The following PDE4B variants were observed in gnomAD, a reference collection of about 807,000 sequenced individuals.
The protein encoded by PDE4B is phosphodiesterase 4B.
Under a neutral mutation model 82.2 loss-of-function variants are expected in PDE4B, and 20 were observed. That is an observed-to-expected ratio of 0.24 (90% CI 0.17 to 0.35). PDE4B has a LOEUF of 0.35. Ranked by LOEUF, PDE4B falls within the 10% of genes least tolerant of loss-of-function variation. PDE4B has a pLI of 1.00. For synonymous variants in PDE4B, 320 were observed against 318.9 expected, an observed-to-expected ratio of 1.00 and a Z score of -0.04; for missense variants, 655 against 907.2, an observed-to-expected ratio of 0.72 and a Z score of 3.57.
At position 66,014,540 on chromosome 1, in the gene PDE4B, C is replaced by T. The variant is rs114017534; in HGVS notation, c.281+95705C>T. ...TCTTTTGCAGTATGTTTTGTTGGTA[C>T]CCAGCTCTCCCAACACCATTTGTTA... On this transcript the variant is annotated intron_variant, in intron 3 of 16. Coordinates refer to ENST00000341517, the MANE Select transcript of PDE4B (RefSeq NM_002600.4). 9.6e-3 allele frequency among the ~76,000 whole-genome samples: 1,456 copies of T among 152,076 alleles called. 21 individuals carry two copies. The highest frequency in any genetic ancestry group is 0.033 in the African/African-American group (1,372 of 41,488).
chr1:66,026,456 G>T (rs1653437567), intron 3 of PDE4B, among the ~76,000 whole-genome samples: 1 of 152,188 alleles, frequency 6.6e-6, no homozygotes, highest in Admixed American at 6.5e-5. Context: ...CTTGAAGTCA[G>T]ATTCTTTGGG....
At chr1:66,182,711 C>T (rs550734706) in intron 3 of PDE4B, among the ~76,000 whole-genome samples, 3 of 152,220 alleles carry the variant, frequency 2.0e-5, no homozygotes, top group South Asian at 4.1e-4. Context: ...GCCCCATTGA[C>T]GTCATTGGGA....
At chr1:65,843,021 A>G (rs1646225718) in intron 1 of PDE4B, among the ~76,000 whole-genome samples, 3 of 152,162 alleles carry the variant, frequency 2.0e-5, no homozygotes, top group Non-Finnish European at 2.9e-5. Context: ...TTGGGGGATA[A>G]CTATCAAATG....
At chr1:65,811,379 C>T (rs1396879729) in intron 1 of PDE4B, among the ~76,000 whole-genome samples, 2 of 152,246 alleles carry the variant, frequency 1.3e-5, no homozygotes, top group Admixed American at 1.3e-4. Flanking sequence ...ATGTCAGATT[C>T]TCCTTTTTCT....
In PDE4B at chr1:66,372,411, C is replaced by T. The variant is rs139001333; in HGVS notation, c.1944C>T (p.Asn648=). 52 of 1,613,992 alleles carry T rather than the reference C, an allele frequency of 3.2e-5. No homozygotes were observed. The highest frequency in any genetic ancestry group is 4.0e-5 in the Non-Finnish European group (47 of 1,179,986). The change falls in exon 17 of 17, where the codon AAC becomes AAT. Residue 648 remains asparagine (N), a synonymous_variant. Coordinates refer to ENST00000341517, the MANE Select transcript of PDE4B (RefSeq NM_002600.4). The part of the protein sequence containing the change: ...AQDILDTLED[N]RNWYQSMIPQ... ...ACATTCTCGATACCTTAGAAGATAACAGGAACTGGTATCAGAGCATGATAC... is the reference window on the plus strand; with the variant it reads ...ACATTCTCGATACCTTAGAAGATAATAGGAACTGGTATCAGAGCATGATAC...
At chr1:66,350,066 C>T (rs887011707) in intron 8 of PDE4B, among the ~76,000 whole-genome samples, 5 of 151,928 alleles carry the variant, frequency 3.3e-5, no homozygotes, top group Non-Finnish European at 5.9e-5. Context: ...ACTGCAGTTT[C>T]GACTTCTTTC....
intron 3 of PDE4B, among the ~76,000 whole-genome samples, chr1:66,090,201 A>C (rs970266198): frequency 7.2e-5 from 11 of 152,032 alleles, no homozygotes; most frequent in African/African-American, 2.7e-4. Context: ...TATTTGTAGA[A>C]TAGCAGAAAG....
chr1:66,184,105 G>A (rs527743278), intron 3 of PDE4B, among the ~76,000 whole-genome samples: 4 of 152,122 alleles, frequency 2.6e-5, no homozygotes, highest in African/African-American at 9.7e-5. Flanking sequence ...GGTAGGTCAG[G>A]CTATTAGTGG....
chr1:65,854,547 T>C (rs1436686556), intron 1 of PDE4B, among the ~76,000 whole-genome samples: 1 of 152,034 alleles, frequency 6.6e-6, no homozygotes, highest in Non-Finnish European at 1.5e-5. Flanking sequence ...TTCATCATTT[T>C]AAAGTCATGG....
At chr1:66,301,681 C>A (rs1657908279) in intron 7 of PDE4B, among the ~76,000 whole-genome samples, 1 of 151,834 alleles carries the variant, frequency 6.6e-6, no homozygotes, top group Non-Finnish European at 1.5e-5. Context: ...GTAACAATTA[C>A]ATAAAAATAC....
chr1:65,893,686 TGC>T (rs1646877221), intron 1 of PDE4B, among the ~76,000 whole-genome samples: 1 of 152,018 alleles, frequency 6.6e-6, no homozygotes, highest in Non-Finnish European at 1.5e-5. Flanking sequence ...ATATGAAACA[TGC>T]ACACATGTTT....
At chr1:65,925,626 A>C (rs2100499699) in intron 3 of PDE4B, among the ~76,000 whole-genome samples, 1 of 152,248 alleles carries the variant, frequency 6.6e-6, no homozygotes, top group Non-Finnish European at 1.5e-5. Flanking sequence ...AATATTTTGC[A>C]TTTGACTTAT....
chr1:66,128,869 T>A (rs964511143), intron 3 of PDE4B, among the ~76,000 whole-genome samples: 4 of 152,174 alleles, frequency 2.6e-5, no homozygotes, highest in African/African-American at 9.6e-5. Flanking sequence ...TCATGAGACT[T>A]ATTCACTACC....
chr1:65,880,039 A>G (rs1194958162), intron 1 of PDE4B, among the ~76,000 whole-genome samples: 2 of 152,212 alleles, frequency 1.3e-5, no homozygotes, highest in African/African-American at 2.4e-5. Flanking sequence ...GGTTACTACA[A>G]GACTTGCAAA....
At chr1:66,350,546 G>A (rs1661745679) in intron 8 of PDE4B, among the ~76,000 whole-genome samples, 1 of 152,020 alleles carries the variant, frequency 6.6e-6, no homozygotes, top group African/African-American at 2.4e-5. Context: ...GCCTAAATTA[G>A]TCTTAGAAGA....
chr1:66,190,775 C>G (rs530322613), intron 3 of PDE4B, among the ~76,000 whole-genome samples: 1 of 152,114 alleles, frequency 6.6e-6, no homozygotes, highest in East Asian at 1.9e-4. Flanking sequence ...TCCCTGACTC[C>G]GTGGGCTTCC....
At chr1:65,876,649 A>G (rs1646647258) in intron 1 of PDE4B, among the ~76,000 whole-genome samples, 2 of 152,128 alleles carry the variant, frequency 1.3e-5, no homozygotes, top group Admixed American at 6.6e-5. Flanking sequence ...CTGTTGATTA[A>G]TAAATTTTCA....
At chr1:66,208,693 G>A (rs1649771126) in intron 3 of PDE4B, among the ~76,000 whole-genome samples, 1 of 151,886 alleles carries the variant, frequency 6.6e-6, no homozygotes. Context: ...ATATTAAATT[G>A]GACTTATTCT....
At chr1:65,978,787 G>A (rs983039021) in intron 3 of PDE4B, among the ~76,000 whole-genome samples, 3 of 152,140 alleles carry the variant, frequency 2.0e-5, no homozygotes, top group African/African-American at 4.8e-5. Flanking sequence ...TTGACAACAA[G>A]TTCAATGTTT....
Sources: gnomAD v4.1 joint callset for allele counts (sites outside exome capture counted in the v4.1 genomes callset) on GRCh38, gnomAD v4.1.1 for gene constraint, MANE v1.5 for transcripts, NCBI Gene and HGNC (gene_info 2026-07-23, HGNC 2026-07-21) for gene names.